The following HSPA12A variants were observed in gnomAD, a reference collection of about 807,000 sequenced individuals.
The protein encoded by HSPA12A is heat shock 70 kDa protein 12A.
A neutral mutation model predicts 69.2 loss-of-function variants in HSPA12A; 28 were observed. That is an observed-to-expected ratio of 0.40 (90% confidence interval 0.30 to 0.55). The LOEUF (loss-of-function observed/expected upper bound fraction) is 0.55, where lower values mean the gene tolerates loss of function less well. Ranked by LOEUF, HSPA12A falls within the 20% of genes least tolerant of loss-of-function variation. The pLI is 0.38. For synonymous variants in HSPA12A, 345 were observed against 370.5 expected, an observed-to-expected ratio of 0.93 and a Z score of 0.79; for missense variants, 686 against 900.7, an observed-to-expected ratio of 0.76 and a Z score of 3.05.
At chr10:116,849,421 A>T in intron 1 of HSPA12A, 2 of 1,180,088 alleles carry the variant, frequency 1.7e-6, no homozygotes, top group Non-Finnish European at 2.3e-6. Flanking sequence ...GCTCCAATAA[A>T]AGGGAACGAC....
At chr10:116,798,331 AC>A (rs1844878816) in intron 2 of HSPA12A, among the ~76,000 whole-genome samples, 1 of 152,064 alleles carries the variant, frequency 6.6e-6, no homozygotes. Context: ...AGGACTTAAG[AC>A]TTTTAGCTTT....
Position 116,675,490 on chromosome 10 carries a change from C to A in HSPA12A, c.1391-72G>T, listed in dbSNP as rs1849209496. 12 of 1,460,202 alleles carry A rather than the reference C, an allele frequency of 8.2e-6. No individual in the cohort carries two copies. Among genetic ancestry groups the A allele is most frequent in the Non-Finnish European group, 1.0e-5 (11 of 1,097,784 alleles). 90.5% of individuals were successfully genotyped at this position (1,460,202 alleles called of 1,614,324 possible). A position where few individuals can be genotyped will look rare whatever the true frequency, so the allele number is the denominator to read the frequency against. The stretch of plus-strand genomic sequence containing the variant: ...AAGGAAGGGGGAACTGGGCTGCCTG[C>A]ATCTGTGGGGAACGGATAAAGCCAC... On this transcript the variant is annotated intron_variant, in intron 11 of 11. Transcript: ENST00000369209. This position sits in a 1 kb window ranked among gnomAD's most constrained non-coding sequence, Gnocchi z 5.2.
exon 2 of HSPA12A, chr10:116,835,001 C>T (rs1201497675): frequency 4.1e-6 from 5 of 1,231,400 alleles, no homozygotes; most frequent in Non-Finnish European, 3.0e-6. Context: ...CCACAGAATC[C>T]GTACACGCCA....
chr10:116,806,049 G>GA (rs1363250965), intron 2 of HSPA12A, among the ~76,000 whole-genome samples: 1 of 152,180 alleles, frequency 6.6e-6, no homozygotes, highest in African/African-American at 2.4e-5. Flanking sequence ...AGGCAGAGAT[G>GA]AAAACCCAGT....
At chr10:116,820,626 T>C (rs548968964) in intron 2 of HSPA12A, among the ~76,000 whole-genome samples, 1 of 152,234 alleles carries the variant, frequency 6.6e-6, no homozygotes, top group East Asian at 1.9e-4. Context: ...TTGCACCTCA[T>C]TGCTGTGGCT....
intron 2 of HSPA12A, among the ~76,000 whole-genome samples, chr10:116,754,254 G>C (rs1043417883): frequency 1.3e-5 from 2 of 152,130 alleles, no homozygotes; most frequent in East Asian, 1.9e-4. Flanking sequence ...ACACTGTCTT[G>C]ACCCATCCCC....
At chr10:116,774,147 C>G (rs1319619465) in intron 2 of HSPA12A, among the ~76,000 whole-genome samples, 1 of 151,414 alleles carries the variant, frequency 6.6e-6, no homozygotes, top group Non-Finnish European at 1.5e-5. Flanking sequence ...GTAGCTGGGA[C>G]TACAGGCGCC....
intron 2 of HSPA12A, among the ~76,000 whole-genome samples, chr10:116,825,915 G>C (rs1468067171): frequency 6.6e-6 from 1 of 152,184 alleles, no homozygotes; most frequent in Non-Finnish European, 1.5e-5. Context: ...CTGGATCTCA[G>C]AATGAAAACA....
chr10:116,698,467 A>G, intron 5 of HSPA12A, 168 bp downstream of exon 5: 1 of 484,060 alleles, frequency 2.1e-6, no homozygotes. Flanking sequence ...TTACTTTCCC[A>G]CCAGCAGCGT....
intron 2 of HSPA12A, among the ~76,000 whole-genome samples, chr10:116,757,319 A>C (rs1464900414): frequency 6.6e-6 from 1 of 152,188 alleles, no homozygotes; most frequent in Admixed American, 6.5e-5. Context: ...CCCAGGGAGA[A>C]GCAGCTCTCG....
chr10:116,715,379 G>C (rs1251949782), intron 1 of HSPA12A, among the ~76,000 whole-genome samples: 1 of 152,214 alleles, frequency 6.6e-6, no homozygotes, highest in Non-Finnish European at 1.5e-5. Flanking sequence ...ACATTTATGA[G>C]CCAATTAGAA....
intron 2 of HSPA12A, among the ~76,000 whole-genome samples, chr10:116,801,271 T>C (rs755071566): frequency 4.6e-5 from 7 of 152,222 alleles, no homozygotes; most frequent in Non-Finnish European, 7.3e-5. Flanking sequence ...CTTTTTTAAA[T>C]GAAAAGAGAT....
At chr10:116,749,855 G>C (rs1554888151) in intron 2 of HSPA12A, 2 of 153,750 alleles carry the variant, frequency 1.3e-5, no homozygotes, top group Non-Finnish European at 2.9e-5. Flanking sequence ...TTATTTAAAA[G>C]TTGTGGGCTC....
chr10:116,839,604 TAAA>T (rs59427633), intron 1 of HSPA12A, among the ~76,000 whole-genome samples: 3,385 of 58,906 alleles, frequency 0.057, 154 homozygotes, highest in African/African-American at 0.19. Context: ...ATGCCTACCG[TAAA>T]AAAAAAAAAA....
chr10:116,739,062 G>A (rs1851399204), intron 1 of HSPA12A, among the ~76,000 whole-genome samples: 1 of 152,196 alleles, frequency 6.6e-6, no homozygotes, highest in South Asian at 2.1e-4. Context: ...CAGCTTGGTG[G>A]CTGAAGGAAG....
intron 2 of HSPA12A, among the ~76,000 whole-genome samples, chr10:116,826,769 T>TG (rs1447667163): frequency 6.6e-6 from 1 of 152,182 alleles, no homozygotes; most frequent in East Asian, 1.9e-4. Context: ...CTTGAATGAA[T>TG]GGGGGACTAT....
intron 1 of HSPA12A, 97 bp from the exon 2 acceptor site, chr10:116,707,382 C>A: frequency 3.2e-6 from 3 of 947,994 alleles, no homozygotes; most frequent in Non-Finnish European, 4.9e-6. Context: ...CCAGGAACTG[C>A]GGCCTCTGCA....
At chr10:116,821,031 C>T (rs1845402222) in intron 2 of HSPA12A, among the ~76,000 whole-genome samples, 1 of 152,160 alleles carries the variant, frequency 6.6e-6, no homozygotes, top group Admixed American at 6.5e-5. Flanking sequence ...CTTCTCACCC[C>T]TCCACCTTCT....
intron 2 of HSPA12A, among the ~76,000 whole-genome samples, chr10:116,821,221 A>G (rs1845404876): frequency 6.6e-6 from 1 of 152,184 alleles, no homozygotes; most frequent in Non-Finnish European, 1.5e-5. Flanking sequence ...TTCCCACCTC[A>G]GAGGAGAAGC....
Sources: allele counts gnomAD v4.1 joint callset (sites outside exome capture counted in the v4.1 genomes callset), GRCh38; gene constraint gnomAD v4.1.1; non-coding constraint Gnocchi (gnomAD v3.1); transcripts MANE v1.5; gene names NCBI Gene and HGNC (gene_info 2026-07-23, HGNC 2026-07-21).